The following MIEN1 variants were observed in gnomAD, a reference collection of about 807,000 sequenced individuals.
MIEN1 encodes the protein migration and invasion enhancer 1.
A neutral mutation model predicts 15.5 loss-of-function variants in MIEN1; 12 were observed. The ratio of observed to expected loss-of-function variants is 0.78; its 90% CI spans 0.50 to 1.26. The LOEUF is 1.26. Among genes scored for constraint, MIEN1 ranks in the 50% most tolerant of loss-of-function variants. MIEN1 has a pLI of 0.00. For synonymous variants in MIEN1, 63 were observed against 62.8 expected (o/e 1.00, Z -0.02); for missense variants, 160 against 151.7 (o/e 1.05, Z -0.29).
rs2059904135 is a variant in MIEN1, at chr17:39,728,629, T to C, written c.*893A>G. The C allele has an allele frequency of 4.3e-6, 1 of 233,228 alleles. No individual in the cohort carries two copies. Among genetic ancestry groups the C allele is most frequent in the Non-Finnish European group, 8.5e-6 (1 of 118,044 alleles). The allele number at this position is 233,228 out of a possible 1,614,324, so 14.4% of individuals were successfully genotyped here. A position where few individuals can be genotyped will look rare whatever the true frequency, so the allele number is the denominator to read the frequency against. On this transcript the variant is annotated 3_prime_UTR_variant, in exon 4 of 4. Transcript: ENST00000394231. ...GGGGGGTCCTTCTCCACACCCACTT[T>C]GTCCATTTGCAAATATATTTTGGAA... is the stretch of plus-strand genomic sequence containing the variant.
chr17:39,729,777 C>T lies in MIEN1; in HGVS notation c.188-16G>A. ...TCAAAGGCACCTGGTAAGAAATCAA[C>T]AGATAAATGGTACACTGAGAACATA... On this transcript the variant is annotated splice_polypyrimidine_tract_variant and intron_variant, in intron 2 of 3. Coordinates refer to ENST00000394231, the MANE Select transcript of MIEN1 (RefSeq NM_032339.5). 1 of 1,614,110 alleles carries T rather than the reference C, an allele frequency of 6.2e-7. No homozygotes were observed. The highest frequency in any genetic ancestry group is 8.5e-7 in the Non-Finnish European group (1 of 1,180,036).
At chr17:39,729,952 G>T in intron 2 of MIEN1, 191 bp from the exon 3 acceptor site, 1 of 739,400 alleles carries the variant, frequency 1.4e-6, no homozygotes, top group Non-Finnish European at 2.2e-6. Flanking sequence ...TGTGCCCCTC[G>T]CAACACTCAA....
At position 39,730,455 on chromosome 17, in the gene MIEN1, G is replaced by T; in HGVS notation, c.41C>A (p.Pro14His). The change falls in exon 1 of 4, where the codon CCC (proline) becomes CAC (histidine). Residue 14 changes from proline (P) to histidine (H), a missense_variant. Pro to His is a moderately conservative substitution (Grantham distance 77, BLOSUM62 -2). Transcript: ENST00000394231. ...CCCACTGCCCGGCTCGACCTCCTCG[G>T]GAGGGGGCGCTACGGACGTCTGCCC... ...EPGQTSVAPP[P>H]EEVEPGSGVR... is the part of the protein sequence containing the mutation. 3 of 1,547,868 alleles carry T rather than the reference G, an allele frequency of 1.9e-6. No individual in the cohort carries two copies. Among genetic ancestry groups the T allele is most frequent in the Non-Finnish European group, 2.6e-6 (3 of 1,148,056 alleles).
At position 39,729,468 on chromosome 17, in the gene MIEN1, G is replaced by T; in HGVS notation, c.*54C>A. 6.2e-7 allele frequency: 1 copy of T among 1,610,854 alleles called. No individual in the cohort carries two copies. The highest frequency in any genetic ancestry group is 8.5e-7 in the Non-Finnish European group (1 of 1,179,030). On this transcript the variant is annotated 3_prime_UTR_variant, in exon 4 of 4. Transcript: ENST00000394231. ...AGGGGGAGCTCCCAGCAGGACCAAA[G>T]GGAGACCAAGGTTTGGACCCCAGAA...
At chr17:39,730,353 C>T (rs560965472) in intron 1 of MIEN1, 54 bp downstream of exon 1, 44 of 1,559,176 alleles carry the variant, frequency 2.8e-5, no homozygotes, top group Non-Finnish European at 3.8e-5. Context: ...CGTGGACCCA[C>T]CTCCGTCCGG....
In MIEN1 at chr17:39,728,971, TCTA is replaced by T. The variant is rs1337974163; in HGVS notation, c.*548_*550del. ...AGGGTGGGGGAAAGACGAGGCAGGG[TCTA>T]CTGTGGGACTCATTTTCCTTGCCTT... is the stretch of plus-strand genomic sequence containing the variant. On this transcript the variant is annotated 3_prime_UTR_variant, in exon 4 of 4. Coordinates refer to ENST00000394231, the MANE Select transcript of MIEN1 (RefSeq NM_032339.5). 5.9e-6 allele frequency: 1 copy of T among 169,704 alleles called. No homozygotes were observed. Among genetic ancestry groups the T allele is most frequent in the African/African-American group, 2.4e-5 (1 of 41,792 alleles). 10.5% of individuals were successfully genotyped at this position (169,704 alleles called of 1,614,324 possible).
chr17:39,729,352 G>A lies in MIEN1; in HGVS notation c.*170C>T. 1.3e-6 allele frequency: 1 copy of A among 775,132 alleles called. No homozygotes were observed. Among genetic ancestry groups the A allele is most frequent in the Non-Finnish European group, 2.1e-6 (1 of 474,934 alleles). 48.0% of individuals were successfully genotyped at this position (775,132 alleles called of 1,614,324 possible). A position where few individuals can be genotyped will look rare whatever the true frequency, so the allele number is the denominator to read the frequency against. On this transcript the variant is annotated 3_prime_UTR_variant, in exon 4 of 4. Coordinates refer to ENST00000394231, the MANE Select transcript of MIEN1 (RefSeq NM_032339.5). ...GAGAGTGTCTCTCTCCTGCCCCCAA[G>A]GCCACGGAATCTTCTATTCCTTCTT...
At position 39,730,454 on chromosome 17, in the gene MIEN1, G is replaced by A; in HGVS notation, c.42C>T (p.Pro14=). The A allele has an allele frequency of 6.5e-7, 1 of 1,547,794 alleles. No homozygotes were observed. Among genetic ancestry groups the A allele is most frequent in the South Asian group, 1.2e-5 (1 of 84,200 alleles). ...CCCCACTGCCCGGCTCGACCTCCTCGGGAGGGGGCGCTACGGACGTCTGCC... is the reference window on the plus strand; with the variant it reads ...CCCCACTGCCCGGCTCGACCTCCTCAGGAGGGGGCGCTACGGACGTCTGCC... ...EPGQTSVAPP[P]EEVEPGSGVR... is the part of the protein sequence containing the mutation. The change falls in exon 1 of 4, where the codon CCC becomes CCT. Residue 14 remains proline, a synonymous_variant. Coordinates refer to ENST00000394231, the MANE Select transcript of MIEN1 (RefSeq NM_032339.5).
Position 39,730,210 on chromosome 17 carries a change from C to T in MIEN1, c.171G>A (p.Ser57=). ...GAGCCTCACCTGTGCCCCCGAGGCG[C>T]GACTCGATCTCGATGCCCGGATACT... The part of the protein sequence containing the change: ...KEQYPGIEIE[S]RLGGTGAFEI... The change falls in exon 2 of 4, where the codon TCG becomes TCA. Residue 57 remains serine (S), a synonymous_variant. Transcript: ENST00000394231. 1 of 1,607,022 alleles carries T rather than the reference C, an allele frequency of 6.2e-7. No homozygotes were observed. The highest frequency in any genetic ancestry group is 8.5e-7 in the Non-Finnish European group (1 of 1,179,118).
chr17:39,729,207 A>G lies in MIEN1; in HGVS notation c.*315T>C. The stretch of plus-strand genomic sequence containing the variant: ...CCAATAGCTGACATTGCCCTGGGTT[A>G]GGGGAGAATAAATAAAATCTGTGGC... On this transcript the variant is annotated 3_prime_UTR_variant, in exon 4 of 4. Coordinates refer to ENST00000394231, the MANE Select transcript of MIEN1 (RefSeq NM_032339.5). 1 of 410,214 alleles carries G rather than the reference A, an allele frequency of 2.4e-6. No homozygotes were observed. The allele number at this position is 410,214 out of a possible 1,614,324, so 25.4% of individuals were successfully genotyped here.
At chr17:39,729,826 A>C in intron 2 of MIEN1, 65 bp from the exon 3 acceptor site, 2 of 1,603,902 alleles carry the variant, frequency 1.2e-6, no homozygotes, top group Non-Finnish European at 8.5e-7. Context: ...AGTTCCTCCA[A>C]AGGGGTCCCC....
chr17:39,730,338 C>T (rs893336592), intron 1 of MIEN1, 47 bp from the exon 2 acceptor site: 3 of 1,566,018 alleles, frequency 1.9e-6, no homozygotes, highest in African/African-American at 2.7e-5. Context: ...GGGGGTGGGG[C>T]CTCCCGTGGA....
rs2059933930 is a variant in MIEN1 at position 39,730,507 on chromosome 17, C to T, written c.-12G>A. The T allele has an allele frequency of 1.3e-6, 2 of 1,527,020 alleles. No individual in the cohort carries two copies. The highest frequency in any genetic ancestry group is 1.8e-6 in the Non-Finnish European group (2 of 1,142,690). 94.6% of individuals were successfully genotyped at this position (1,527,020 alleles called of 1,614,324 possible). On this transcript the variant is annotated 5_prime_UTR_variant, in exon 1 of 4. Transcript: ENST00000394231. ...GGCTCCCCGCTCATCGCGGCCGGCT[C>T]CGCTCGGGCCCCTGCTTCCGGGTGT...
chr17:39,728,623 CCA>C lies in MIEN1; in HGVS notation c.*897_*898del. On this transcript the variant is annotated 3_prime_UTR_variant, in exon 4 of 4. Transcript: ENST00000394231. ...AAGTGTGGGGGGTCCTTCTCCACAC[CCA>C]CTTTGTCCATTTGCAAATATATTTT... 1 of 233,238 alleles carries C rather than the reference CCA, an allele frequency of 4.3e-6. No individual in the cohort carries two copies. The highest frequency in any genetic ancestry group is 8.5e-6 in the Non-Finnish European group (1 of 118,048). 14.4% of individuals were successfully genotyped at this position (233,238 alleles called of 1,614,324 possible).
At position 39,728,628 on chromosome 17, in the gene MIEN1, T is replaced by C; in HGVS notation, c.*894A>G. The C allele has an allele frequency of 4.3e-6, 1 of 233,256 alleles. No individual in the cohort carries two copies. Among genetic ancestry groups the C allele is most frequent in the East Asian group, 6.0e-5 (1 of 16,700 alleles). 14.4% of individuals were successfully genotyped at this position (233,256 alleles called of 1,614,324 possible). ...TGGGGGGTCCTTCTCCACACCCACT[T>C]TGTCCATTTGCAAATATATTTTGGA... On this transcript the variant is annotated 3_prime_UTR_variant, in exon 4 of 4. Transcript: ENST00000394231.
Position 39,730,315 on chromosome 17 carries a change from G to T in MIEN1, c.90-24C>A, listed in dbSNP as rs764211016. On this transcript the variant is annotated intron_variant, in intron 1 of 3. Coordinates refer to ENST00000394231, the MANE Select transcript of MIEN1 (RefSeq NM_032339.5). ...CACTGGGGAGTCAAGAGATGGGGCTGGGCTGGGGATTCGGGGGTGGGGCCT... is the reference window on the plus strand; with the variant it reads ...CACTGGGGAGTCAAGAGATGGGGCTTGGCTGGGGATTCGGGGGTGGGGCCT... 5.7e-6 allele frequency: 9 copies of T among 1,588,144 alleles called. No homozygotes were observed. The South Asian group carries it at 1.0e-4, about 18-fold the overall frequency.
Position 39,729,353 on chromosome 17 carries a change from G to A in MIEN1, c.*169C>T. 5.1e-6 allele frequency: 4 copies of A among 779,714 alleles called. No homozygotes were observed. The highest frequency in any genetic ancestry group is 8.4e-6 in the Non-Finnish European group (4 of 478,426). 48.3% of individuals were successfully genotyped at this position (779,714 alleles called of 1,614,324 possible). On this transcript the variant is annotated 3_prime_UTR_variant, in exon 4 of 4. Transcript: ENST00000394231. ...AGAGTGTCTCTCTCCTGCCCCCAAG[G>A]CCACGGAATCTTCTATTCCTTCTTT...
In MIEN1 at chr17:39,728,675, T is replaced by C. The variant is rs1206223011; in HGVS notation, c.*847A>G. On this transcript the variant is annotated 3_prime_UTR_variant, in exon 4 of 4. Coordinates refer to ENST00000394231, the MANE Select transcript of MIEN1 (RefSeq NM_032339.5). Reference sequence around the variant, plus strand: ...TGGAAAACAGCTAGGCACCGGCCTATGTCTGGGGGTGGCTCTGTGCCATCC... The same window carrying C: ...TGGAAAACAGCTAGGCACCGGCCTACGTCTGGGGGTGGCTCTGTGCCATCC... 8.7e-6 allele frequency: 2 copies of C among 231,192 alleles called. No individual in the cohort carries two copies. Among genetic ancestry groups the C allele is most frequent in the East Asian group, 1.2e-4 (2 of 16,428 alleles). 14.3% of individuals were successfully genotyped at this position (231,192 alleles called of 1,614,324 possible).
chr17:39,728,703 T>G lies in MIEN1; in HGVS notation c.*819A>C, dbSNP rs1301141541. 4.4e-6 allele frequency: 1 copy of G among 227,802 alleles called. No homozygotes were observed. The allele number at this position is 227,802 out of a possible 1,614,324, so 14.1% of individuals were successfully genotyped here. On this transcript the variant is annotated 3_prime_UTR_variant, in exon 4 of 4. Transcript: ENST00000394231. ...CTGGGGGTGGCTCTGTGCCATCCCT[T>G]CCTGCTCACCTTACACTCAATTCCT...
Sources: allele counts gnomAD v4.1 joint callset, GRCh38; gene constraint gnomAD v4.1.1; transcripts MANE v1.5; gene names NCBI Gene and HGNC (gene_info 2026-07-23, HGNC 2026-07-21).